Variants in CRY2 observed in about 807,000 individuals in gnomAD.
CRY2 encodes the protein cryptochrome-2.
In CRY2, 31 loss-of-function variants were observed where a neutral mutation model predicts 69.5. The observed-to-expected ratio is 0.45, with a 90% CI of 0.34 to 0.60. CRY2 has a LOEUF of 0.60. Ranked by LOEUF, CRY2 falls within the 20% of genes least tolerant of loss-of-function variation. The pLI is 0.02. For synonymous variants in CRY2, 303 were observed against 312.2 expected (o/e 0.97, Z 0.31); for missense variants, 606 against 797.8 (o/e 0.76, Z 2.90).
At position 45,882,263 on chromosome 11, in the gene CRY2, A is replaced by AGT. The variant is rs3061865; in HGVS notation, c.*1368_*1369dup. The AGT allele has an allele frequency of 0.32, 60,531 of 188,094 alleles. 9,652 individuals carry two copies. The highest frequency in any genetic ancestry group is 0.37 in the African/African-American group (15,913 of 42,700). 11.7% of individuals were successfully genotyped at this position (188,094 alleles called of 1,614,324 possible). A position where few individuals can be genotyped will look rare whatever the true frequency, so the allele number is the denominator to read the frequency against. ...CCTGTGGCCTGCACTTGAGCCACAA[A>AGT]GTGTGTGTGTGTGTGTGCGTGTGTG... On this transcript the variant is annotated 3_prime_UTR_variant, in exon 12 of 12. Coordinates refer to ENST00000616080, the MANE Select transcript of CRY2 (RefSeq NM_021117.5).
rs143409790 is a variant in CRY2 at position 45,883,084 on chromosome 11, C to A, written c.*2173C>A. 1 of 220,322 alleles carries A rather than the reference C, an allele frequency of 4.5e-6. No individual in the cohort carries two copies. Among genetic ancestry groups the A allele is most frequent in the Non-Finnish European group, 8.9e-6 (1 of 112,582 alleles). 13.6% of individuals were successfully genotyped at this position (220,322 alleles called of 1,614,324 possible). The stretch of plus-strand genomic sequence containing the variant: ...GCTCAGGTGGCCCTGAGGGCTCCCT[C>A]GGAACAGTGCCTCAAATCCTGACCC... On this transcript the variant is annotated 3_prime_UTR_variant, in exon 12 of 12. Transcript: ENST00000616080.
rs766334721 is a variant in CRY2, at chr11:45,847,506, G to C, written c.16G>C (p.Ala6Pro). The C allele has an allele frequency of 1.7e-4, 266 of 1,593,390 alleles. 2 individuals carry two copies. The South Asian group carries it at 2.9e-3, about 17-fold the overall frequency. ...CTGGACAGTCATGGCGGCGACTGTGGCGACGGCGGCAGCTGTGGCCCCGGC... is the reference window on the plus strand; with the variant it reads ...CTGGACAGTCATGGCGGCGACTGTGCCGACGGCGGCAGCTGTGGCCCCGGC... MAATV[A>P]TAAAVAPAPA... is the part of the protein sequence containing the mutation. Residue 6 changes from alanine to proline, a missense_variant, in exon 1 of 12, where the codon GCG becomes CCG. Physicochemically the swap from Ala to Pro is conservative, Grantham distance 27. Coordinates refer to ENST00000616080, the MANE Select transcript of CRY2 (RefSeq NM_021117.5).
chr11:45,880,407 A>G (rs1211039725), intron 11 of CRY2, among the ~76,000 whole-genome samples: 1 of 152,124 alleles, frequency 6.6e-6, no homozygotes, highest in African/African-American at 2.4e-5. Flanking sequence ...ACAATCTTCC[A>G]GCACTGTGCC....
intron 5 of CRY2, among the ~76,000 whole-genome samples, chr11:45,866,772 GATGTTGGGAGTTA>G (rs1403704419): frequency 6.6e-6 from 1 of 152,002 alleles, no homozygotes; most frequent in African/African-American, 2.4e-5. Flanking sequence ...AGGAGGAGAG[GATGTTGGGAGTTA>G]AGAAAGTGGA....
chr11:45,872,261 T>G, intron 11 of CRY2, 28 bp downstream of exon 11: 1 of 1,606,702 alleles, frequency 6.2e-7, no homozygotes, highest in East Asian at 2.2e-5. Flanking sequence ...AGATTCAACC[T>G]CAGGAAGGAA....
chr11:45,867,507 G>A, intron 5 of CRY2, 105 bp from the exon 6 acceptor site: 2 of 1,449,878 alleles, frequency 1.4e-6, no homozygotes, highest in Non-Finnish European at 1.9e-6. Context: ...CTCCATGGCT[G>A]GCTGTTCTGT....
At chr11:45,865,362 G>A (rs558691213) in intron 5 of CRY2, among the ~76,000 whole-genome samples, 40 of 152,306 alleles carry the variant, frequency 2.6e-4, no homozygotes, top group African/African-American at 7.9e-4. Context: ...TGGCTATTGC[G>A]TGGATGTTTG....
chr11:45,857,939 G>T (rs554429683), intron 2 of CRY2, among the ~76,000 whole-genome samples: 1 of 152,338 alleles, frequency 6.6e-6, no homozygotes, highest in East Asian at 1.9e-4. Context: ...TAGGACATTT[G>T]CCCCTGTGGT....
intron 10 of CRY2, among the ~76,000 whole-genome samples, chr11:45,871,338 T>C (rs2086380394): frequency 6.6e-6 from 1 of 152,114 alleles, no homozygotes; most frequent in African/African-American, 2.4e-5. Flanking sequence ...GGGAGGTCAG[T>C]GTAGCGGCAT....
At chr11:45,859,998 G>A (rs11038697) in intron 3 of CRY2, among the ~76,000 whole-genome samples, 8,729 of 152,204 alleles carry the variant, frequency 0.057, 356 homozygotes, top group Non-Finnish European at 0.081. Context: ...CTCCACTAAC[G>A]TGGGGAGAGC....
intron 11 of CRY2, among the ~76,000 whole-genome samples, chr11:45,878,878 C>T (rs1477908105): frequency 7.0e-6 from 1 of 143,604 alleles, no homozygotes; most frequent in Non-Finnish European, 1.5e-5. Context: ...AAGATCGCGC[C>T]ACTGCACTCT....
chr11:45,870,582 G>C, intron 9 of CRY2, 50 bp downstream of exon 9: 1 of 1,595,582 alleles, frequency 6.3e-7, no homozygotes, highest in Non-Finnish European at 8.6e-7. Context: ...GCACCTACAG[G>C]CTCAGGGGGC....
chr11:45,861,228 C>A, intron 4 of CRY2, 196 bp downstream of exon 4: 1 of 601,568 alleles, frequency 1.7e-6, no homozygotes, highest in South Asian at 2.1e-5. Flanking sequence ...AGTATTTGTT[C>A]TGTTCATACT....
At position 45,869,817 on chromosome 11, in the gene CRY2, G is replaced by A; in HGVS notation, c.1194G>A (p.Arg398=). 1 of 1,602,160 alleles carries A rather than the reference G, an allele frequency of 6.2e-7. No homozygotes were observed. Among genetic ancestry groups the A allele is most frequent in the Non-Finnish European group, 8.5e-7 (1 of 1,172,014 alleles). ...DLWVSWESGV[R]VFDELLLDAD... is the part of the protein sequence containing the mutation. ...GGGTCAGCTGGGAGAGCGGGGTCCG[G>A]GTGAGTGCTCTCTCAACGAAAAGCT... Residue 398 remains arginine, a splice_region_variant and synonymous_variant, in exon 7 of 12, where the codon CGG becomes CGA. Coordinates refer to ENST00000616080, the MANE Select transcript of CRY2 (RefSeq NM_021117.5).
At chr11:45,872,423 AC>A (rs745802322) in intron 11 of CRY2, among the ~76,000 whole-genome samples, 190 bp downstream of exon 11, 25 of 152,076 alleles carry the variant, frequency 1.6e-4, no homozygotes, top group Admixed American at 3.3e-4. Context: ...GGGAATGAGT[AC>A]TTTCTGGTTG....
chr11:45,877,859 C>A (rs2086435777), intron 11 of CRY2, among the ~76,000 whole-genome samples: 2 of 152,198 alleles, frequency 1.3e-5, no homozygotes, highest in Non-Finnish European at 2.9e-5. Flanking sequence ...ACTAGTTGAA[C>A]AGGCCTTTGG....
At chr11:45,853,998 C>T (rs1480380564) in intron 1 of CRY2, among the ~76,000 whole-genome samples, 1 of 152,334 alleles carries the variant, frequency 6.6e-6, no homozygotes, top group Non-Finnish European at 1.5e-5. Context: ...TCAGCCCATG[C>T]TAGAATGTGG....
intron 2 of CRY2, among the ~76,000 whole-genome samples, chr11:45,857,807 G>A (rs182296826): frequency 6.6e-5 from 10 of 152,308 alleles, no homozygotes; most frequent in Non-Finnish European, 1.3e-4. Context: ...ATGGTACCTG[G>A]CATATAGCAA....
At chr11:45,865,056 G>A (rs182651544) in intron 5 of CRY2, among the ~76,000 whole-genome samples, 6 of 151,728 alleles carry the variant, frequency 4.0e-5, no homozygotes, top group South Asian at 2.1e-4. Flanking sequence ...CACCACACCC[G>A]GGCAGAAATA....
Sources: allele counts gnomAD v4.1 joint callset (sites outside exome capture counted in the v4.1 genomes callset), GRCh38; gene constraint gnomAD v4.1.1; transcripts MANE v1.5; gene names NCBI Gene and HGNC (gene_info 2026-07-23, HGNC 2026-07-21).